Variants in NRP2 observed in about 807,000 individuals in gnomAD.
NRP2 encodes the protein neuropilin 2, also known as neuropilin-2.
A neutral mutation model predicts 110.4 loss-of-function variants in NRP2; 52 were observed. That is an observed-to-expected ratio of 0.47 (90% CI 0.38 to 0.59). NRP2 has a LOEUF of 0.59. Ranked by LOEUF, NRP2 falls within the 20% of genes least tolerant of loss-of-function variation. The pLI, the probability that NRP2 is intolerant of heterozygous loss-of-function variation, is 0.00. For missense variants in NRP2, 1,049 were observed against 1,203.0 expected (o/e 0.87, Z 1.89); for synonymous variants, 508 against 468.9 (o/e 1.08, Z -1.08).
At chr2:205,781,536 T>C (rs887750690) in intron 15 of NRP2, among the ~76,000 whole-genome samples, 1 of 152,252 alleles carries the variant, frequency 6.6e-6, no homozygotes, top group Non-Finnish European at 1.5e-5. Flanking sequence ...TCTGCAGTTG[T>C]TCTGCACAAA....
intron 1 of NRP2, among the ~76,000 whole-genome samples, chr2:205,685,059 C>T (rs866413364): frequency 1.3e-5 from 2 of 152,200 alleles, no homozygotes; most frequent in African/African-American, 4.8e-5. Context: ...TCTCCTACCC[C>T]AGATGTTCGC....
At chr2:205,718,636 C>CCGCATGA (rs2056949506) in intron 3 of NRP2, among the ~76,000 whole-genome samples, 1 of 152,170 alleles carries the variant, frequency 6.6e-6, no homozygotes, top group Non-Finnish European at 1.5e-5. Context: ...GAGCAACTGT[C>CCGCATGA]CGCATGACAG....
chr2:205,762,517 G>A (rs1247653913), intron 12 of NRP2: 2 of 152,262 alleles, frequency 1.3e-5, no homozygotes, highest in Non-Finnish European at 1.5e-5. Flanking sequence ...TCCCTGTGGA[G>A]TAAGAAAGCT....
Position 205,697,532 on chromosome 2 carries a change from T to C in NRP2, c.74-12T>C. The C allele has an allele frequency of 6.2e-7, 1 of 1,613,162 alleles. No individual in the cohort carries two copies. The highest frequency in any genetic ancestry group is 1.3e-5 in the African/African-American group (1 of 74,970). ...TATTTGAAGTTCTTTGGGTCGTTGA[T>C]TTCTCTTTCAGACCCACCGTGCGGA... On this transcript the variant is annotated splice_polypyrimidine_tract_variant and intron_variant, in intron 1 of 16. Coordinates refer to ENST00000357785, the MANE Select transcript of NRP2 (RefSeq NM_003872.3).
At position 205,725,980 on chromosome 2, in the gene NRP2, A is replaced by G. The variant is rs2057120043; in HGVS notation, c.888A>G (p.Ser296=). 1.2e-6 allele frequency: 2 copies of G among 1,614,106 alleles called. No homozygotes were observed. The highest frequency in any genetic ancestry group is 1.7e-6 in the Non-Finnish European group (2 of 1,180,002). ...TTGCTAATGAACAGATCAGTGCCTC[A>G]TCTACCTACTCTGATGGGAGGTGGA... is the stretch of plus-strand genomic sequence containing the variant. ...GRIANEQISA[S]STYSDGRWTP... The change falls in exon 6 of 17, where the codon TCA becomes TCG. Residue 296 remains serine (S), a synonymous_variant. Coordinates refer to ENST00000357785, the MANE Select transcript of NRP2 (RefSeq NM_003872.3). The surrounding 1 kb of genome is among the most constrained non-coding windows in gnomAD (Gnocchi z 4.1).
At chr2:205,783,283 G>A (rs1205239489) in intron 15 of NRP2, among the ~76,000 whole-genome samples, 1 of 152,136 alleles carries the variant, frequency 6.6e-6, no homozygotes, top group African/African-American at 2.4e-5. Context: ...GAGCTGTGGT[G>A]GCTGTGTCAC....
At chr2:205,732,459 ATCT>A (rs1324309547) in intron 7 of NRP2, among the ~76,000 whole-genome samples, 2 of 152,206 alleles carry the variant, frequency 1.3e-5, no homozygotes, top group African/African-American at 2.4e-5. Flanking sequence ...CTATTTTCAG[ATCT>A]TCTTAAACAG....
chr2:205,794,710 CAT>C, intron 16 of NRP2, 42 bp from the exon 17 acceptor site: 1 of 1,598,436 alleles, frequency 6.3e-7, no homozygotes. Context: ...TTCACCCTGA[CAT>C]AGGCAGTGCC....
At chr2:205,753,104 C>A in intron 12 of NRP2, 129 bp downstream of exon 12, 1 of 1,255,580 alleles carries the variant, frequency 8.0e-7, no homozygotes, top group Non-Finnish European at 1.1e-6. Flanking sequence ...TGCCCACAAA[C>A]CACCACAGTC....
chr2:205,749,953 C>A, intron 11 of NRP2, 112 bp downstream of exon 11: 2 of 857,062 alleles, frequency 2.3e-6, no homozygotes, highest in Non-Finnish European at 3.9e-6. Flanking sequence ...CAGGGGATCT[C>A]AAAGAAGTGG....
At chr2:205,782,610 A>G (rs2058187739) in intron 15 of NRP2, among the ~76,000 whole-genome samples, 2 of 152,058 alleles carry the variant, frequency 1.3e-5, no homozygotes, top group Admixed American at 1.3e-4. Context: ...GTTCATGTTG[A>G]GTTATGTGGT....
chr2:205,720,706 T>A (rs2056993323), intron 3 of NRP2, among the ~76,000 whole-genome samples: 1 of 152,224 alleles, frequency 6.6e-6, no homozygotes, highest in South Asian at 2.1e-4. Flanking sequence ...ACCCGCCAGC[T>A]GGCTTGGCTT....
At chr2:205,688,634 C>G (rs1483928470) in intron 1 of NRP2, among the ~76,000 whole-genome samples, 1 of 152,124 alleles carries the variant, frequency 6.6e-6, no homozygotes, top group Non-Finnish European at 1.5e-5. Context: ...CCTCTGGGAC[C>G]TTGGTTGTAT....
At chr2:205,764,306 G>A in intron 13 of NRP2, 1 of 267,792 alleles carries the variant, frequency 3.7e-6, no homozygotes, top group Non-Finnish European at 7.2e-6. Context: ...GATCTGGGGA[G>A]GAAATAGGAT....
intron 6 of NRP2, among the ~76,000 whole-genome samples, chr2:205,726,313 G>T (rs2057127207): frequency 6.6e-6 from 1 of 152,184 alleles, no homozygotes; most frequent in African/African-American, 2.4e-5. Context: ...ACTGGGCCTG[G>T]GGAGAAGTTG....
intron 1 of NRP2, among the ~76,000 whole-genome samples, chr2:205,692,241 T>C (rs948530597): frequency 6.6e-6 from 1 of 152,126 alleles, no homozygotes; most frequent in African/African-American, 2.4e-5. Flanking sequence ...ATAAATTGAG[T>C]AGATTGCATC....
intron 15 of NRP2, among the ~76,000 whole-genome samples, chr2:205,786,465 C>T (rs937956531): frequency 2.0e-5 from 3 of 152,208 alleles, no homozygotes; most frequent in Admixed American, 2.0e-4. Context: ...TCACAGCCCC[C>T]AAACAAGGTG....
At chr2:205,743,602 A>T (rs1406268234) in intron 9 of NRP2, 50 bp downstream of exon 9, 3 of 1,603,428 alleles carry the variant, frequency 1.9e-6, no homozygotes, top group Admixed American at 3.4e-5. Context: ...CAGGGAGGCT[A>T]AGTGTGGTAC....
Position 205,795,807 on chromosome 2 carries a change from G to A in NRP2, c.*749G>A, listed in dbSNP as rs921908900. On this transcript the variant is annotated 3_prime_UTR_variant, in exon 17 of 17. Coordinates refer to ENST00000357785, the MANE Select transcript of NRP2 (RefSeq NM_003872.3). ...TTCACACGTCAAAATCCATAGAAGCGCCTGGACGAGGCTTAAAGTGCTTTG... is the reference window on the plus strand; with the variant it reads ...TTCACACGTCAAAATCCATAGAAGCACCTGGACGAGGCTTAAAGTGCTTTG... The A allele has an allele frequency of 1.3e-5, 2 of 152,612 alleles. No individual in the cohort carries two copies. Among genetic ancestry groups the A allele is most frequent in the African/African-American group, 2.4e-5 (1 of 41,440 alleles). The allele number at this position is 152,612 out of a possible 1,614,324, so 9.5% of individuals were successfully genotyped here. A position where few individuals can be genotyped will look rare whatever the true frequency, so the allele number is the denominator to read the frequency against.
Sources: gnomAD v4.1 joint callset for allele counts (sites outside exome capture counted in the v4.1 genomes callset) on GRCh38, gnomAD v4.1.1 for gene constraint, Gnocchi (gnomAD v3.1) non-coding constraint, MANE v1.5 for transcripts, NCBI Gene and HGNC (gene_info 2026-07-23, HGNC 2026-07-21) for gene names.